SAP30BP: variants seen among roughly 807,000 people sequenced by gnomAD.
SAP30BP encodes the protein SAP30 binding protein.
In SAP30BP, 31 loss-of-function variants were observed where a neutral mutation model predicts 46.3. That is an observed-to-expected ratio of 0.67 (90% confidence interval 0.50 to 0.90). SAP30BP has a LOEUF of 0.90. SAP30BP is among the 40% of genes least tolerant of loss of function. SAP30BP has a pLI of 0.00. For synonymous variants in SAP30BP, 169 were observed against 144.2 expected (o/e 1.17, Z -1.23); for missense variants, 312 against 391.0 (o/e 0.80, Z 1.70).
intron 3 of SAP30BP, among the ~76,000 whole-genome samples, chr17:75,683,165 T>G (rs1453976318): frequency 6.7e-6 from 1 of 149,920 alleles, no homozygotes; most frequent in Non-Finnish European, 1.5e-5. Flanking sequence ...TGCCTCAGCC[T>G]CCCCAATAGC....
chr17:75,672,619 A>G (rs1049031348), intron 3 of SAP30BP, among the ~76,000 whole-genome samples: 3 of 152,300 alleles, frequency 2.0e-5, no homozygotes, highest in Admixed American at 6.5e-5. Flanking sequence ...AGACTTAATT[A>G]TATCACTCTA....
At chr17:75,676,900 G>C (rs2059998963) in intron 3 of SAP30BP, among the ~76,000 whole-genome samples, 1 of 152,092 alleles carries the variant, frequency 6.6e-6, no homozygotes, top group African/African-American at 2.4e-5. Flanking sequence ...GAGGTTCAAG[G>C]CATCTACTGG....
At chr17:75,697,406 G>A (rs1269255838) in intron 4 of SAP30BP, among the ~76,000 whole-genome samples, 1 of 152,198 alleles carries the variant, frequency 6.6e-6, no homozygotes, top group African/African-American at 2.4e-5. Flanking sequence ...GGAAGAAGGA[G>A]GAAGTTAGAG....
At chr17:75,675,006 A>C (rs1273369794) in intron 3 of SAP30BP, among the ~76,000 whole-genome samples, 4 of 152,152 alleles carry the variant, frequency 2.6e-5, no homozygotes, top group Non-Finnish European at 1.5e-5. Flanking sequence ...CCCAGTGCAC[A>C]TGAACATAGG....
intron 9 of SAP30BP, chr17:75,705,514 C>T (rs890286665): frequency 1.5e-5 from 9 of 583,904 alleles, no homozygotes; most frequent in East Asian, 2.5e-4. Flanking sequence ...GGGCCAGGAA[C>T]GTGGGAGCTG....
intron 3 of SAP30BP, among the ~76,000 whole-genome samples, chr17:75,690,028 G>A (rs1251716858): frequency 6.6e-6 from 1 of 152,232 alleles, no homozygotes; most frequent in East Asian, 1.9e-4. Context: ...CTTTCTGGGT[G>A]ATGGGTACAC....
chr17:75,700,662 G>A (rs960294171), intron 5 of SAP30BP, among the ~76,000 whole-genome samples: 4 of 152,194 alleles, frequency 2.6e-5, no homozygotes, highest in African/African-American at 4.8e-5. Flanking sequence ...AGGACTGGGG[G>A]TGCAGCACAG....
At chr17:75,694,434 C>G (rs921773936) in intron 4 of SAP30BP, among the ~76,000 whole-genome samples, 3 of 152,226 alleles carry the variant, frequency 2.0e-5, no homozygotes, top group Admixed American at 6.5e-5. Flanking sequence ...CGCTGAGCAG[C>G]CCAGACCCTC....
intron 5 of SAP30BP, 31 bp from the exon 6 acceptor site, chr17:75,702,449 A>ACC: frequency 9.7e-7 from 1 of 1,033,580 alleles, no homozygotes; most frequent in Admixed American, 1.9e-5. Flanking sequence ...TCTGTCATAC[A>ACC]CCCCCCCACC....
At position 75,704,757 on chromosome 17, in the gene SAP30BP, C is replaced by T. The variant is rs746017816; in HGVS notation, c.603C>T (p.Ala201=). 1 of 1,613,570 alleles carries T rather than the reference C, an allele frequency of 6.2e-7. No individual in the cohort carries two copies. The highest frequency in any genetic ancestry group is 8.5e-7 in the Non-Finnish European group (1 of 1,179,638). The change falls in exon 9 of 11, where the codon GCC becomes GCT. Residue 201 remains alanine (A), a splice_region_variant and synonymous_variant. Coordinates refer to ENST00000584667, the MANE Select transcript of SAP30BP (RefSeq NM_013260.8). The part of the protein sequence containing the change: ...WSEDSYYEAL[A]KAQKIEMDKL... ...TAACAGCTTCTCTTGTCTTCATAGC[C>T]AAGGCCCAGAAAATTGAGATGGACA...
chr17:75,699,037 T>C (rs1044509172), intron 4 of SAP30BP, among the ~76,000 whole-genome samples: 2 of 152,050 alleles, frequency 1.3e-5, no homozygotes, highest in African/African-American at 2.4e-5. Flanking sequence ...ACAAAAACTT[T>C]TAAGATTAGT....
Position 75,702,555 on chromosome 17 carries a change from G to T in SAP30BP, c.472G>T (p.Glu158Ter). ...GAACTACATTATCCAAAGGAAGAAA[G>T]AATTTCGGAACCCTAGGTAAGTTTC... ...DMNYIIQRKK[E>*]FRNPSIYEKL... Residue 158 changes from glutamate (E) to a stop codon, truncating the protein, a stop_gained, in exon 6 of 11, where the codon GAA (glutamate) becomes TAA (stop). Transcript: ENST00000584667. LOFTEE classifies it high-confidence loss of function. 1 of 1,543,940 alleles carries T rather than the reference G, an allele frequency of 6.5e-7. No individual in the cohort carries two copies. Among genetic ancestry groups the T allele is most frequent in the Non-Finnish European group, 8.9e-7 (1 of 1,119,696 alleles).
chr17:75,668,650 G>A (rs1020709969), intron 2 of SAP30BP, 25 bp downstream of exon 2: 4 of 1,413,820 alleles, frequency 2.8e-6, no homozygotes, highest in South Asian at 1.2e-5. Context: ...CAGATCCAGA[G>A]CTACTGAAAG....
At chr17:75,686,452 C>CT (rs1686947296) in intron 3 of SAP30BP, among the ~76,000 whole-genome samples, 1 of 151,802 alleles carries the variant, frequency 6.6e-6, no homozygotes, top group South Asian at 2.1e-4. Flanking sequence ...GGAGGCGGAG[C>CT]TTGCAGTGAG....
intron 3 of SAP30BP, among the ~76,000 whole-genome samples, chr17:75,675,563 T>C (rs922266761): frequency 7.9e-5 from 12 of 152,356 alleles, no homozygotes; most frequent in African/African-American, 2.9e-4. Flanking sequence ...GTTTTATCTA[T>C]TGATGTTTAC....
At chr17:75,678,653 T>C (rs2060028604) in intron 3 of SAP30BP, among the ~76,000 whole-genome samples, 1 of 152,042 alleles carries the variant, frequency 6.6e-6, no homozygotes, top group Admixed American at 6.6e-5. Context: ...GGTCATACCA[T>C]GTTGTCGGCC....
At chr17:75,684,615 A>G (rs1400337148) in intron 3 of SAP30BP, 1 of 152,218 alleles carries the variant, frequency 6.6e-6, no homozygotes, top group Non-Finnish European at 1.5e-5. Flanking sequence ...AACACGATGG[A>G]TGGTCTTCTT....
chr17:75,686,678 A>G (rs1447013822), intron 3 of SAP30BP, among the ~76,000 whole-genome samples: 2 of 152,196 alleles, frequency 1.3e-5, no homozygotes. Flanking sequence ...TTCCATTCCC[A>G]GGCAGGCAGT....
chr17:75,676,763 G>A (rs2059996191), intron 3 of SAP30BP, among the ~76,000 whole-genome samples: 1 of 152,090 alleles, frequency 6.6e-6, no homozygotes, highest in African/African-American at 2.4e-5. Context: ...GTTCACATTC[G>A]CATAGCTTTT....
Sources: gnomAD v4.1 joint callset for allele counts (sites outside exome capture counted in the v4.1 genomes callset) on GRCh38, gnomAD v4.1.1 for gene constraint, MANE v1.5 for transcripts, NCBI Gene and HGNC (gene_info 2026-07-23, HGNC 2026-07-21) for gene names.